CREBBP: variants seen among roughly 807,000 people sequenced by gnomAD.
CREBBP encodes CREB-binding protein.
CREBBP carries 19 observed loss-of-function variants against 265.0 expected under a neutral mutation model. That is an observed-to-expected ratio of 0.07 (90% CI 0.05 to 0.11). CREBBP has a LOEUF of 0.11. Among genes scored for constraint, CREBBP ranks in the 10% least tolerant of loss-of-function variants. The pLI is 1.00. For synonymous variants in CREBBP, 1,457 were observed against 1,223.7 expected (o/e 1.19, Z -3.98); for missense variants, 2,525 against 3,219.0 (o/e 0.78, Z 5.22).
At chr16:3,864,227 G>C (rs977423104) in intron 1 of CREBBP, among the ~76,000 whole-genome samples, 2 of 152,216 alleles carry the variant, frequency 1.3e-5, no homozygotes, top group Non-Finnish European at 2.9e-5. Flanking sequence ...AAGAAGTCAA[G>C]AAAGGGGGAA....
intron 3 of CREBBP, among the ~76,000 whole-genome samples, chr16:3,804,714 G>A (rs1045340873): frequency 4.6e-5 from 7 of 152,214 alleles, no homozygotes; most frequent in Non-Finnish European, 1.5e-5. Context: ...CCAGCAGGCA[G>A]GCAGAGGCTG....
At chr16:3,777,307 C>T (rs1478113567) in intron 11 of CREBBP, among the ~76,000 whole-genome samples, 4 of 151,788 alleles carry the variant, frequency 2.6e-5, no homozygotes, top group African/African-American at 9.7e-5. Context: ...TGCACTCCAG[C>T]CTGGGCGACA....
At chr16:3,745,692 G>A (rs543871345) in intron 21 of CREBBP, 103 of 399,842 alleles carry the variant, frequency 2.6e-4, no homozygotes, top group South Asian at 2.3e-3. Flanking sequence ...ACATTTGCAA[G>A]AACAATGCCT....
chr16:3,768,923 G>C (rs1232695286), intron 15 of CREBBP, among the ~76,000 whole-genome samples: 3 of 152,106 alleles, frequency 2.0e-5, no homozygotes, highest in Non-Finnish European at 2.9e-5. Flanking sequence ...AAGGCTGTTG[G>C]ATGATTCAAG....
intron 11 of CREBBP, 156 bp from the exon 12 acceptor site, chr16:3,774,849 G>A (rs1596898167): frequency 1.0e-6 from 1 of 1,003,318 alleles, no homozygotes; most frequent in Admixed American, 2.0e-5. Flanking sequence ...GATGATGAAG[G>A]AACAGACTTC....
chr16:3,737,706 C>T (rs2052100832), intron 26 of CREBBP, among the ~76,000 whole-genome samples: 1 of 151,740 alleles, frequency 6.6e-6, no homozygotes, highest in Non-Finnish European at 1.5e-5. Flanking sequence ...TCAGGTGATC[C>T]ACCTGCCTTG....
At chr16:3,831,842 C>T (rs528096984) in intron 2 of CREBBP, among the ~76,000 whole-genome samples, 27 of 151,942 alleles carry the variant, frequency 1.8e-4, no homozygotes, top group African/African-American at 5.1e-4. Context: ...ACTAAAAATA[C>T]GAAACTTAGC....
intron 21 of CREBBP, among the ~76,000 whole-genome samples, chr16:3,748,505 T>G (rs1043713249): frequency 6.6e-6 from 1 of 152,144 alleles, no homozygotes; most frequent in Non-Finnish European, 1.5e-5. Flanking sequence ...TGAAGTAACC[T>G]GCCAAAAGTC....
intron 1 of CREBBP, among the ~76,000 whole-genome samples, chr16:3,867,824 G>C (rs888895883): frequency 6.6e-6 from 1 of 151,950 alleles, no homozygotes; most frequent in African/African-American, 2.4e-5. Flanking sequence ...AGCTACTTGG[G>C]AGGCTGAGGT....
At chr16:3,822,700 C>G (rs1223487818) in intron 2 of CREBBP, among the ~76,000 whole-genome samples, 1 of 152,206 alleles carries the variant, frequency 6.6e-6, no homozygotes, top group Non-Finnish European at 1.5e-5. Context: ...AAAGCACACT[C>G]AAAGATATAT....
intron 27 of CREBBP, 38 bp from the exon 28 acceptor site, chr16:3,736,241 G>A (rs2151328046): frequency 1.3e-6 from 2 of 1,599,004 alleles, no homozygotes; most frequent in Non-Finnish European, 1.7e-6. Context: ...TGAGGGCCAT[G>A]CACGCGTGCC....
intron 11 of CREBBP, among the ~76,000 whole-genome samples, chr16:3,776,635 C>G (rs538815714): frequency 5.3e-5 from 8 of 152,272 alleles, no homozygotes; most frequent in African/African-American, 1.9e-4. Context: ...CATTCAGAAG[C>G]ACTCCCTCCC....
chr16:3,868,137 T>G (rs1388907702), intron 1 of CREBBP, among the ~76,000 whole-genome samples: 2 of 152,070 alleles, frequency 1.3e-5, no homozygotes, highest in African/African-American at 4.8e-5. Context: ...CAGCTAACAC[T>G]GGTTGCCTAT....
chr16:3,726,695 A>G lies in CREBBP; in HGVS notation c.*1023T>C, dbSNP rs1186621937. On this transcript the variant is annotated 3_prime_UTR_variant, in exon 31 of 31. Coordinates refer to ENST00000262367, the MANE Select transcript of CREBBP (RefSeq NM_004380.3). ...ATATCAATTTTAAGCGGTACTTTAT[A>G]TACAATGGGGAAAAAACACATGCAT... is the stretch of plus-strand genomic sequence containing the variant. 8.6e-6 allele frequency: 2 copies of G among 233,600 alleles called. No individual in the cohort carries two copies. The highest frequency in any genetic ancestry group is 1.2e-4 in the East Asian group (2 of 16,560). 14.5% of individuals were successfully genotyped at this position (233,600 alleles called of 1,614,324 possible). A position where few individuals can be genotyped will look rare whatever the true frequency, so the allele number is the denominator to read the frequency against.
At position 3,802,114 on chromosome 16, in the gene CREBBP, A is replaced by ATTTTTTTTTT. The variant is rs71133657; in HGVS notation, c.975+8479_975+8488dup. 1.0e-3 allele frequency among the ~76,000 whole-genome samples: 53 copies of ATTTTTTTTTT among 50,588 alleles called. 13 individuals are homozygous for ATTTTTTTTTT. The highest frequency in any genetic ancestry group is 2.6e-3 in the Admixed American group (7 of 2,704). 33.2% of individuals were successfully genotyped at this position (50,588 alleles called of 152,430 possible). A position where few individuals can be genotyped will look rare whatever the true frequency, so the allele number is the denominator to read the frequency against. ...TTTATATTTACTCTGGTATTCCTTA[A>ATTTTTTTTTT]TTTTTTTTTTTTTTTTTTTTTTTTT... On this transcript the variant is annotated intron_variant, in intron 3 of 30. Coordinates refer to ENST00000262367, the MANE Select transcript of CREBBP (RefSeq NM_004380.3).
At chr16:3,752,867 C>G (rs551819679) in intron 19 of CREBBP, among the ~76,000 whole-genome samples, 2 of 152,212 alleles carry the variant, frequency 1.3e-5, no homozygotes, top group South Asian at 4.1e-4. Flanking sequence ...CTCAAGCTAT[C>G]AAATACAAAC....
intron 5 of CREBBP, among the ~76,000 whole-genome samples, chr16:3,787,134 C>T (rs924218110): frequency 6.6e-6 from 1 of 151,954 alleles, no homozygotes; most frequent in Non-Finnish European, 1.5e-5. Context: ...CTGGTGGCAC[C>T]ACCGTACCTT....
chr16:3,735,619 G>A (rs1283104817), intron 28 of CREBBP, among the ~76,000 whole-genome samples: 2 of 152,178 alleles, frequency 1.3e-5, no homozygotes, highest in Non-Finnish European at 2.9e-5. Context: ...GTTTGGCTCA[G>A]TCTGCACTGC....
At position 3,789,014 on chromosome 16, in the gene CREBBP, C is replaced by A. The variant is rs372797097; in HGVS notation, c.1330+2967G>T. 1.1e-4 allele frequency among the ~76,000 whole-genome samples: 17 copies of A among 152,324 alleles called. No individual in the cohort carries two copies. The East Asian group carries it at 1.9e-3, about 17-fold the overall frequency. The stretch of plus-strand genomic sequence containing the variant: ...CCAAAAAGGTAATCAATGGTCTGGG[C>A]TTCATTTCAAAGAACCTCAGATTAG... On this transcript the variant is annotated intron_variant, in intron 5 of 30. Coordinates refer to ENST00000262367, the MANE Select transcript of CREBBP (RefSeq NM_004380.3).
Sources: allele counts gnomAD v4.1 joint callset (sites outside exome capture counted in the v4.1 genomes callset), GRCh38; gene constraint gnomAD v4.1.1; transcripts MANE v1.5; gene names NCBI Gene and HGNC (gene_info 2026-07-23, HGNC 2026-07-21).